Variants in PLB1 observed in about 807,000 individuals in gnomAD.
PLB1 encodes phospholipase B1.
A neutral mutation model predicts 227.4 loss-of-function variants in PLB1; 242 were observed. That is an observed-to-expected ratio of 1.06 (90% CI 0.96 to 1.18). The LOEUF (loss-of-function observed/expected upper bound fraction) is 1.18. PLB1 is among the 50% of genes most tolerant of loss of function. The pLI is 0.00. For synonymous variants in PLB1, 757 were observed against 682.2 expected (o/e 1.11, Z -1.71); for missense variants, 1,858 against 1,816.3 (o/e 1.02, Z -0.42).
At chr2:28,531,378 C>G (rs1670990001) in intron 8 of PLB1, among the ~76,000 whole-genome samples, 1 of 152,160 alleles carries the variant, frequency 6.6e-6, no homozygotes, top group Non-Finnish European at 1.5e-5. Flanking sequence ...ATGGTGCGAT[C>G]TCGTTTCATC....
At chr2:28,547,493 A>T (rs1673477950) in intron 14 of PLB1, among the ~76,000 whole-genome samples, 2 of 152,192 alleles carry the variant, frequency 1.3e-5, no homozygotes, top group Admixed American at 1.3e-4. Flanking sequence ...AGCCAATTCC[A>T]CTAAGGGTAA....
At chr2:28,589,315 G>A (rs1681464126) in intron 26 of PLB1, 135 bp from the exon 27 acceptor site, 1 of 664,502 alleles carries the variant, frequency 1.5e-6, no homozygotes, top group South Asian at 1.8e-5. Flanking sequence ...TAAAATCTCA[G>A]TTGAGATTTT....
intron 6 of PLB1, among the ~76,000 whole-genome samples, chr2:28,527,546 C>G (rs1670438281): frequency 1.3e-5 from 2 of 152,238 alleles, no homozygotes; most frequent in Admixed American, 6.5e-5. Context: ...TCTTTGAGAT[C>G]TCCAAACGTA....
At chr2:28,510,597 T>C (rs1272630848) in intron 1 of PLB1, among the ~76,000 whole-genome samples, 1 of 144,630 alleles carries the variant, frequency 6.9e-6, no homozygotes, top group Non-Finnish European at 1.5e-5. Context: ...TTACTCCTGA[T>C]TGTTTTTTCT....
intron 22 of PLB1, among the ~76,000 whole-genome samples, chr2:28,579,282 A>G (rs938844903): frequency 6.6e-6 from 1 of 152,238 alleles, no homozygotes; most frequent in Non-Finnish European, 1.5e-5. Context: ...TCCCATGGCC[A>G]AAACCAGCTT....
chr2:28,565,449 G>A, intron 19 of PLB1, 96 bp downstream of exon 19: 2 of 1,147,694 alleles, frequency 1.7e-6, no homozygotes, highest in Non-Finnish European at 2.5e-6. Context: ...AAGCAGAAGG[G>A]TGGGCCATTT....
intron 56 of PLB1, among the ~76,000 whole-genome samples, chr2:28,636,512 A>G (rs1689380546): frequency 6.6e-6 from 1 of 152,212 alleles, no homozygotes; most frequent in African/African-American, 2.4e-5. Flanking sequence ...TGTGTCTACC[A>G]AAAGATACAC....
Position 28,543,262 on chromosome 2 carries a change from T to C in PLB1, c.930T>C (p.Asn310=). 2 of 1,612,206 alleles carry C rather than the reference T, an allele frequency of 1.2e-6. No individual in the cohort carries two copies. The highest frequency in any genetic ancestry group is 2.2e-5 in the South Asian group (2 of 90,456). ...CCACGCTGGCCTGGCATCTCTGGAA[T>C]AGGATGGTGAGTAGATGGGGCCTGG... ...DSTTLAWHLW[N]RMMEPAGEKD... The change falls in exon 14 of 58, where the codon AAT becomes AAC. Residue 310 remains asparagine, a synonymous_variant. Coordinates refer to ENST00000327757, the MANE Select transcript of PLB1 (RefSeq NM_153021.5).
rs887891444 is a variant in PLB1, at chr2:28,641,634, C to T, written c.4173+633C>T. On this transcript the variant is annotated intron_variant, in intron 57 of 57. Coordinates refer to ENST00000327757, the MANE Select transcript of PLB1 (RefSeq NM_153021.5). The stretch of plus-strand genomic sequence containing the variant: ...AATAAAGTGCATCAAGCAGCTGTCC[C>T]GTGCCAGGCAGTATACTAGGATCTG... 8.5e-5 allele frequency among the ~76,000 whole-genome samples: 13 copies of T among 152,084 alleles called. 1 individual carries two copies. In the South Asian group the frequency reaches 1.7e-3, roughly 19 times the overall value.
chr2:28,606,725 C>T (rs1684733232), intron 43 of PLB1, among the ~76,000 whole-genome samples, 158 bp downstream of exon 43: 1 of 152,070 alleles, frequency 6.6e-6, no homozygotes, highest in South Asian at 2.1e-4. Context: ...TGAGGATGGA[C>T]AGGGGAGGTG....
At position 28,543,266 on chromosome 2, in the gene PLB1, A is replaced by G. The variant is rs1244452901; in HGVS notation, c.934A>G (p.Met312Val). 6.2e-7 allele frequency: 1 copy of G among 1,611,910 alleles called. No homozygotes were observed. Among genetic ancestry groups the G allele is most frequent in the African/African-American group, 1.3e-5 (1 of 75,014 alleles). Reference protein sequence around the residue: ...TTLAWHLWNRMMEPAGEKDEP... With the variant: ...TTLAWHLWNRVMEPAGEKDEP... ...GCTGGCCTGGCATCTCTGGAATAGG[A>G]TGGTGAGTAGATGGGGCCTGGGGTG... Residue 312 changes from methionine (M) to valine (V), a missense_variant and splice_region_variant, in exon 14 of 58, where the codon ATG becomes GTG. Met to Val is a conservative substitution (Grantham distance 21). Transcript: ENST00000327757.
intron 14 of PLB1, among the ~76,000 whole-genome samples, chr2:28,547,155 C>G (rs149008809): frequency 1.6e-4 from 24 of 146,080 alleles, no homozygotes; most frequent in African/African-American, 5.6e-4. Context: ...GAACTGTGAT[C>G]GCACCACTGC....
intron 1 of PLB1, among the ~76,000 whole-genome samples, chr2:28,516,595 G>A (rs1011945321): frequency 6.6e-6 from 1 of 152,142 alleles, no homozygotes; most frequent in Admixed American, 6.5e-5. Context: ...TTTTCACCTG[G>A]GGATTCTGCC....
At chr2:28,538,253 T>A (rs564955804) in intron 9 of PLB1, 66 bp from the exon 10 acceptor site, 8 of 1,599,800 alleles carry the variant, frequency 5.0e-6, no homozygotes, top group Admixed American at 3.4e-5. Context: ...CTGTTGTGAG[T>A]CTGGGTGGCC....
intron 14 of PLB1, among the ~76,000 whole-genome samples, chr2:28,544,732 T>C (rs1672987901): frequency 6.6e-6 from 1 of 151,536 alleles, no homozygotes. Flanking sequence ...GTGAAATGTG[T>C]TGGAGGAGGT....
At chr2:28,576,251 C>T (rs1453740839) in intron 21 of PLB1, among the ~76,000 whole-genome samples, 2 of 152,194 alleles carry the variant, frequency 1.3e-5, no homozygotes, top group African/African-American at 2.4e-5. Context: ...ACAAATGCAT[C>T]GACTTGACCA....
intron 1 of PLB1, among the ~76,000 whole-genome samples, chr2:28,509,616 A>G (rs1428549511): frequency 1.3e-5 from 2 of 152,212 alleles, no homozygotes; most frequent in African/African-American, 2.4e-5. Context: ...TTCTCAGAGC[A>G]TACACAAGTG....
intron 9 of PLB1, among the ~76,000 whole-genome samples, chr2:28,536,701 G>T (rs1671729651): frequency 6.6e-6 from 1 of 152,218 alleles, no homozygotes; most frequent in African/African-American, 2.4e-5. Flanking sequence ...TTCATTTGAA[G>T]AAATCAGCTT....
At chr2:28,503,144 AATTTTTTATTTTT>A (rs1168860395) in intron 1 of PLB1, among the ~76,000 whole-genome samples, 5 of 151,910 alleles carry the variant, frequency 3.3e-5, no homozygotes, top group Non-Finnish European at 7.4e-5. Context: ...TTTTCAAACC[AATTTTTTATTTTT>A]ATTTTTTATT....
Sources: allele counts gnomAD v4.1 joint callset (sites outside exome capture counted in the v4.1 genomes callset), GRCh38; gene constraint gnomAD v4.1.1; transcripts MANE v1.5; gene names NCBI Gene and HGNC (gene_info 2026-07-23, HGNC 2026-07-21).